The following CLEC9A variants were observed in gnomAD, a reference collection of about 807,000 sequenced individuals.
CLEC9A encodes C-type lectin domain family 9 member A.
CLEC9A carries 24 observed loss-of-function variants against 30.0 expected under a neutral mutation model. That is an observed-to-expected ratio of 0.80 (90% CI 0.58 to 1.13). CLEC9A has a LOEUF of 1.13. CLEC9A is among the 50% of genes most tolerant of loss of function. The pLI, the probability that CLEC9A is intolerant of heterozygous loss-of-function variation, is 0.00. For missense variants in CLEC9A, 251 were observed against 280.9 expected (o/e 0.89, Z 0.76); for synonymous variants, 111 against 96.8 (o/e 1.15, Z -0.86).
intron 1 of CLEC9A, among the ~76,000 whole-genome samples, 178 bp from the exon 2 acceptor site, chr12:10,041,288 A>C (rs1026034810): frequency 5.3e-5 from 8 of 152,090 alleles, no homozygotes; most frequent in East Asian, 1.9e-4. Flanking sequence ...ACAAAAAAAA[A>C]CAGAAGGGCA....
At chr12:10,038,931 G>A (rs1201521247) in intron 1 of CLEC9A, among the ~76,000 whole-genome samples, 1 of 152,276 alleles carries the variant, frequency 6.6e-6, no homozygotes, top group African/African-American at 2.4e-5. Context: ...GGATGAGGAT[G>A]GATGTGTGGT....
intron 1 of CLEC9A, among the ~76,000 whole-genome samples, chr12:10,035,013 G>T (rs941835711): frequency 6.6e-6 from 1 of 152,206 alleles, no homozygotes; most frequent in East Asian, 1.9e-4. Context: ...AGCTCTCAGC[G>T]GATGGTGGAG....
At chr12:10,049,143 G>GA (rs35792867) in intron 2 of CLEC9A, among the ~76,000 whole-genome samples, 41 of 145,832 alleles carry the variant, frequency 2.8e-4, no homozygotes, top group African/African-American at 5.3e-4. Context: ...AATATTTTGA[G>GA]AAAAAAAAAA....
chr12:10,056,906 C>T lies in CLEC9A; in HGVS notation c.172+2555C>T, dbSNP rs560464668. Among the ~76,000 whole-genome samples the T allele has an allele frequency of 4.9e-4, 74 of 152,100 alleles. 1 individual carries two copies. The highest frequency in any genetic ancestry group is 1.6e-3 in the African/African-American group (67 of 41,550). On this transcript the variant is annotated intron_variant, in intron 5 of 8. Transcript: ENST00000355819. ...TTTTTGCTTTTTAAATTTTGTCTTACGAGCTAAAAATATATACTTACAAAA... is the reference window on the plus strand; with the variant it reads ...TTTTTGCTTTTTAAATTTTGTCTTATGAGCTAAAAATATATACTTACAAAA...
At chr12:10,064,679 A>C in intron 7 of CLEC9A, 53 bp from the exon 8 acceptor site, 23 of 1,553,232 alleles carry the variant, frequency 1.5e-5, no homozygotes, top group Non-Finnish European at 1.9e-5. Context: ...ATATTTCACT[A>C]GAGTTTTGTT....
chr12:10,032,483 C>T (rs1366849655), intron 1 of CLEC9A, among the ~76,000 whole-genome samples: 1 of 151,384 alleles, frequency 6.6e-6, no homozygotes, highest in Non-Finnish European at 1.5e-5. Context: ...CTCCGCCTCC[C>T]GGGTTCACGC....
chr12:10,061,358 CT>C lies in CLEC9A; in HGVS notation c.319+86del, dbSNP rs546262858. On this transcript the variant is annotated intron_variant, in intron 6 of 8. Transcript: ENST00000355819. The stretch of plus-strand genomic sequence containing the variant: ...AAGAAACAGTGACACACATTTTGTT[CT>C]CTGCAAAACTGTTAGGATTTTATAA... 1,822 of 1,329,714 alleles carry C rather than the reference CT, an allele frequency of 1.4e-3. 4 individuals are homozygous for C. The highest frequency in any genetic ancestry group is 2.2e-3 in the South Asian group (147 of 65,644). The allele number at this position is 1,329,714 out of a possible 1,614,324, so 82.4% of individuals were successfully genotyped here.
At position 10,061,116 on chromosome 12, in the gene CLEC9A, A is replaced by G. The variant is rs1217617468; in HGVS notation, c.173-11A>G. The G allele has an allele frequency of 2.5e-6, 4 of 1,606,794 alleles. No homozygotes were observed. The highest frequency in any genetic ancestry group is 1.7e-5 in the Admixed American group (1 of 58,198). On this transcript the variant is annotated splice_polypyrimidine_tract_variant and intron_variant, in intron 5 of 8. Coordinates refer to ENST00000355819, the MANE Select transcript of CLEC9A (RefSeq NM_207345.4). ...CAGGATTTTATTAGGAATGATTGCT[A>G]TCATGTGAAGTGTTGCAGGTGTCCA... is the stretch of plus-strand genomic sequence containing the variant.
chr12:10,048,210 G>A (rs972791970), intron 2 of CLEC9A, among the ~76,000 whole-genome samples: 30 of 149,922 alleles, frequency 2.0e-4, no homozygotes, highest in Non-Finnish European at 3.0e-4. Context: ...TCCGCAGTCC[G>A]GCCTGGGCGA....
intron 1 of CLEC9A, among the ~76,000 whole-genome samples, chr12:10,037,224 T>C (rs1386635264): frequency 1.3e-5 from 2 of 152,102 alleles, no homozygotes; most frequent in African/African-American, 4.8e-5. Flanking sequence ...AAAGTAAAAA[T>C]TGACAGAAGC....
chr12:10,042,243 A>G (rs189755732), intron 2 of CLEC9A, among the ~76,000 whole-genome samples: 3 of 152,364 alleles, frequency 2.0e-5, no homozygotes, highest in Admixed American at 2.0e-4. Context: ...GATATATTCT[A>G]AAGAAAAGAT....
intron 1 of CLEC9A, among the ~76,000 whole-genome samples, chr12:10,034,210 A>G (rs1017623053): frequency 6.6e-6 from 1 of 152,228 alleles, no homozygotes. Flanking sequence ...ATTTGTCATA[A>G]GTTTAATGCC....
chr12:10,040,241 A>T (rs1473435577), intron 1 of CLEC9A, among the ~76,000 whole-genome samples: 1 of 152,196 alleles, frequency 6.6e-6, no homozygotes, highest in Non-Finnish European at 1.5e-5. Context: ...CTCAGCTGAG[A>T]ATCCTGTATT....
intron 2 of CLEC9A, among the ~76,000 whole-genome samples, chr12:10,047,028 C>A (rs1865852423): frequency 6.6e-6 from 1 of 152,126 alleles, no homozygotes; most frequent in Non-Finnish European, 1.5e-5. Context: ...ACTCTTAAAG[C>A]TTTGTGCACT....
intron 5 of CLEC9A, among the ~76,000 whole-genome samples, chr12:10,055,382 CCTT>C (rs1865932804): frequency 6.6e-6 from 1 of 152,176 alleles, no homozygotes; most frequent in African/African-American, 2.4e-5. Flanking sequence ...TAATAATCCA[CCTT>C]CTTCTGTAAA....
At chr12:10,035,611 T>C (rs963606137) in intron 1 of CLEC9A, among the ~76,000 whole-genome samples, 1 of 152,142 alleles carries the variant, frequency 6.6e-6, no homozygotes, top group Admixed American at 6.5e-5. Flanking sequence ...TTTGTTGTTG[T>C]TATTGTTTTG....
At position 10,063,193 on chromosome 12, in the gene CLEC9A, G is replaced by A; in HGVS notation, c.458G>A (p.Ser153Asn). The change falls in exon 7 of 9, where the codon AGC becomes AAC. Residue 153 changes from serine (S) to asparagine (N), a missense_variant. Ser to Asn is a conservative substitution (Grantham distance 46, BLOSUM62 1). Transcript: ENST00000355819. ...GGTTCCACGCTGCTACAAATAGAGA[G>A]CAAAGAAGAAATGGTAAACACTGTT... The part of the protein sequence containing the change: ...KEGSTLLQIE[S>N]KEEMDFITGS... The A allele has an allele frequency of 6.3e-7, 1 of 1,599,288 alleles. No homozygotes were observed. The highest frequency in any genetic ancestry group is 8.5e-7 in the Non-Finnish European group (1 of 1,175,306).
chr12:10,059,755 A>C (rs1865979109), intron 5 of CLEC9A, among the ~76,000 whole-genome samples: 1 of 152,168 alleles, frequency 6.6e-6, no homozygotes, highest in Non-Finnish European at 1.5e-5. Context: ...AAAATAAATA[A>C]GTAAATAAAA....
intron 2 of CLEC9A, among the ~76,000 whole-genome samples, chr12:10,044,184 A>G (rs6488246): frequency 0.54 from 81,674 of 151,944 alleles, 24,059 homozygotes; most frequent in Middle Eastern, 0.74. Context: ...GCAGGCAAAT[A>G]GGCTGTTAGC....
Sources: gnomAD v4.1 joint callset for allele counts (sites outside exome capture counted in the v4.1 genomes callset) on GRCh38, gnomAD v4.1.1 for gene constraint, MANE v1.5 for transcripts, NCBI Gene and HGNC (gene_info 2026-07-23, HGNC 2026-07-21) for gene names.